SEMA5A: variants seen among roughly 807,000 people sequenced by gnomAD.
SEMA5A encodes the protein semaphorin 5A, also known as semaphorin-5A.
In SEMA5A, 55 loss-of-function variants were observed where a neutral mutation model predicts 135.5. That is an observed-to-expected ratio of 0.41 (90% CI 0.33 to 0.51). The LOEUF is 0.51. Among genes scored for constraint, SEMA5A ranks in the 20% least tolerant of loss-of-function variants. The probability of loss-of-function intolerance (pLI) is 0.37; values close to 1 mark genes in which losing one functional copy is unlikely to be tolerated. For missense variants in SEMA5A, 1,290 were observed against 1,419.9 expected (o/e 0.91, Z 1.47); for synonymous variants, 580 against 546.5 (o/e 1.06, Z -0.85).
chr5:9,314,894 G>T (rs1355256292), intron 5 of SEMA5A, among the ~76,000 whole-genome samples: 5 of 152,048 alleles, frequency 3.3e-5, no homozygotes, highest in Admixed American at 3.3e-4. Context: ...ACGTCTTCTT[G>T]CTTGGTGCTA....
chr5:9,342,077 T>C (rs910102907), intron 3 of SEMA5A, among the ~76,000 whole-genome samples: 9 of 115,302 alleles, frequency 7.8e-5, no homozygotes, highest in Non-Finnish European at 1.3e-4. Flanking sequence ...TTAATGTCCC[T>C]TCCAAAAAAG....
In SEMA5A at chr5:9,042,837, T is replaced by C. The variant is rs1561093204; in HGVS notation, c.*60A>G. ...TCTGAAGCCTCAGAAACATGGGCAG[T>C]CATGGGGCACAGGCCTTGAGGAACT... On this transcript the variant is annotated 3_prime_UTR_variant, in exon 23 of 23. Transcript: ENST00000382496. 1.2e-6 allele frequency: 2 copies of C among 1,600,798 alleles called. No individual in the cohort carries two copies. The highest frequency in any genetic ancestry group is 4.5e-5 in the East Asian group (2 of 44,718).
chr5:9,539,418 G>C (rs1053203857), intron 1 of SEMA5A, among the ~76,000 whole-genome samples: 2 of 152,076 alleles, frequency 1.3e-5, no homozygotes, highest in African/African-American at 4.8e-5. Context: ...GTCTGATCTT[G>C]GAAATATAAG....
At chr5:9,506,600 A>G (rs911480103) in intron 1 of SEMA5A, among the ~76,000 whole-genome samples, 5 of 152,212 alleles carry the variant, frequency 3.3e-5, no homozygotes, top group Admixed American at 3.3e-4. Flanking sequence ...AAGGTCTAAG[A>G]TGGCTTATGG....
At chr5:9,466,549 A>G (rs1759269999) in intron 1 of SEMA5A, among the ~76,000 whole-genome samples, 1 of 152,174 alleles carries the variant, frequency 6.6e-6, no homozygotes, top group African/African-American at 2.4e-5. Flanking sequence ...TTGAAAAACA[A>G]AAGGGTAAAA....
intron 11 of SEMA5A, among the ~76,000 whole-genome samples, chr5:9,170,968 G>A (rs1743888673): frequency 6.6e-6 from 1 of 152,052 alleles, no homozygotes; most frequent in African/African-American, 2.4e-5. Flanking sequence ...ATATTGGTTG[G>A]GTCAAAAGAG....
chr5:9,315,977 T>A (rs1314453121), intron 5 of SEMA5A, among the ~76,000 whole-genome samples: 1 of 152,174 alleles, frequency 6.6e-6, no homozygotes, highest in Non-Finnish European at 1.5e-5. Flanking sequence ...TTTGCCTAAA[T>A]CGATTTTTAG....
intron 1 of SEMA5A, among the ~76,000 whole-genome samples, chr5:9,489,981 G>T (rs1046738570): frequency 1.3e-5 from 2 of 152,128 alleles, no homozygotes; most frequent in Non-Finnish European, 2.9e-5. Context: ...ATGGAAGTTG[G>T]CAGGCTAGCT....
intron 11 of SEMA5A, among the ~76,000 whole-genome samples, chr5:9,166,712 C>T (rs1743628023): frequency 6.6e-6 from 1 of 152,150 alleles, no homozygotes; most frequent in East Asian, 1.9e-4. Context: ...AGGAAATTTA[C>T]CACTGCATTT....
intron 3 of SEMA5A, among the ~76,000 whole-genome samples, chr5:9,345,556 G>A (rs1753827096): frequency 6.7e-6 from 1 of 150,212 alleles, no homozygotes; most frequent in Non-Finnish European, 1.5e-5. Context: ...TCTGTACCAG[G>A]CTGACCACAT....
intron 6 of SEMA5A, 93 bp downstream of exon 6, chr5:9,237,735 G>A (rs543956250): frequency 6.0e-5 from 68 of 1,129,464 alleles, no homozygotes; most frequent in South Asian, 4.4e-4. Flanking sequence ...ACATGGCACC[G>A]TAATCAGGAA....
intron 11 of SEMA5A, among the ~76,000 whole-genome samples, chr5:9,160,305 A>G (rs1367576715): frequency 6.6e-6 from 1 of 152,164 alleles, no homozygotes; most frequent in Non-Finnish European, 1.5e-5. Flanking sequence ...TCTGGCCTCA[A>G]TGACCCCCTC....
chr5:9,356,039 C>T (rs1291923754), intron 3 of SEMA5A, among the ~76,000 whole-genome samples: 1 of 152,120 alleles, frequency 6.6e-6, no homozygotes, highest in Non-Finnish European at 1.5e-5. Flanking sequence ...TAAGGACTTC[C>T]CAATTGGATT....
chr5:9,171,271 G>A (rs1743907343), intron 11 of SEMA5A, among the ~76,000 whole-genome samples: 1 of 152,104 alleles, frequency 6.6e-6, no homozygotes, highest in Admixed American at 6.6e-5. Context: ...AGGATCTGGT[G>A]AGCATAAGCC....
intron 18 of SEMA5A, among the ~76,000 whole-genome samples, chr5:9,054,968 G>T (rs1736809147): frequency 6.6e-6 from 1 of 152,156 alleles, no homozygotes; most frequent in Non-Finnish European, 1.5e-5. Flanking sequence ...AGGCCGAACT[G>T]GTTCCTTGAC....
At chr5:9,158,217 C>T (rs777882788) in intron 11 of SEMA5A, among the ~76,000 whole-genome samples, 25 of 152,136 alleles carry the variant, frequency 1.6e-4, no homozygotes, top group Admixed American at 6.5e-5. Flanking sequence ...CCATTATAAT[C>T]TCTAGCAGGA....
Position 9,042,126 on chromosome 5 carries a change from A to G in SEMA5A, c.*771T>C, listed in dbSNP as rs1478893054. 6.6e-6 allele frequency: 1 copy of G among 152,222 alleles called. No homozygotes were observed. Among genetic ancestry groups the G allele is most frequent in the Non-Finnish European group, 1.5e-5 (1 of 68,046 alleles). 9.4% of individuals were successfully genotyped at this position (152,222 alleles called of 1,614,324 possible). ...CTTCCAGGCCAACAGCATGGCAAGG[A>G]GCTTCCTGGAATGCCATGAAATCCA... On this transcript the variant is annotated 3_prime_UTR_variant, in exon 23 of 23. Transcript: ENST00000382496.
chr5:9,148,308 C>T (rs923047327), intron 12 of SEMA5A, among the ~76,000 whole-genome samples: 2 of 152,116 alleles, frequency 1.3e-5, no homozygotes, highest in African/African-American at 4.8e-5. Flanking sequence ...GGTCAGCAAA[C>T]CACACAGCCT....
intron 16 of SEMA5A, among the ~76,000 whole-genome samples, chr5:9,081,373 T>C (rs998759701): frequency 5.3e-5 from 8 of 152,182 alleles, no homozygotes; most frequent in African/African-American, 1.9e-4. Context: ...TTTGTGCTAA[T>C]TTATTACCTA....
Sources: gnomAD v4.1 joint callset for allele counts (sites outside exome capture counted in the v4.1 genomes callset) on GRCh38, gnomAD v4.1.1 for gene constraint, MANE v1.5 for transcripts, NCBI Gene and HGNC (gene_info 2026-07-23, HGNC 2026-07-21) for gene names.